NCOA1: variants seen among roughly 807,000 people sequenced by gnomAD.
NCOA1 encodes nuclear receptor coactivator 1, also known as Hin-2 protein.
Under a neutral mutation model 150.9 loss-of-function variants are expected in NCOA1, and 35 were observed. The observed-to-expected ratio is 0.23, with a 90% confidence interval of 0.18 to 0.31. The LOEUF (loss-of-function observed/expected upper bound fraction) is 0.31. Ranked by LOEUF, NCOA1 falls within the 10% of genes least tolerant of loss-of-function variation. NCOA1 has a pLI of 1.00. For synonymous variants in NCOA1, 590 were observed against 630.0 expected (o/e 0.94, Z 0.95); for missense variants, 1,491 against 1,749.3 (o/e 0.85, Z 2.63).
chr2:24,557,657 G>A (rs1035995777), intron 1 of NCOA1, among the ~76,000 whole-genome samples: 4 of 151,732 alleles, frequency 2.6e-5, no homozygotes, highest in African/African-American at 9.7e-5. Flanking sequence ...ATTATCTCAG[G>A]TATTATTAGT....
At chr2:24,654,686 T>C (rs1670850430) in intron 4 of NCOA1, among the ~76,000 whole-genome samples, 1 of 152,200 alleles carries the variant, frequency 6.6e-6, no homozygotes, top group African/African-American at 2.4e-5. Flanking sequence ...GACTTAGTCC[T>C]TGCAATGACT....
intron 1 of NCOA1, among the ~76,000 whole-genome samples, chr2:24,550,856 C>T (rs1429900279): frequency 6.6e-6 from 1 of 152,154 alleles, no homozygotes; most frequent in Non-Finnish European, 1.5e-5. Flanking sequence ...TGCCTGAAAT[C>T]CCAGCACTTT....
At chr2:24,498,074 A>C (rs1457841036) in intron 1 of NCOA1, among the ~76,000 whole-genome samples, 1 of 152,252 alleles carries the variant, frequency 6.6e-6, no homozygotes, top group African/African-American at 2.4e-5. Flanking sequence ...AGATAGTTGA[A>C]GGATGAAATG....
Position 24,768,435 on chromosome 2 carries a change from G to C in NCOA1, c.*44G>C, listed in dbSNP as rs1168687862. 1.6e-6 allele frequency: 2 copies of C among 1,271,378 alleles called. No homozygotes were observed. Among genetic ancestry groups the C allele is most frequent in the South Asian group, 3.4e-5 (2 of 58,642 alleles). The allele number at this position is 1,271,378 out of a possible 1,614,324, so 78.8% of individuals were successfully genotyped here. A position where few individuals can be genotyped will look rare whatever the true frequency, so the allele number is the denominator to read the frequency against. On this transcript the variant is annotated 3_prime_UTR_variant, in exon 23 of 23. Coordinates refer to ENST00000348332, the MANE Select transcript of NCOA1 (RefSeq NM_003743.5). ...GAAATTTAAATAATAGACATACAGA[G>C]ATATACAAATATATTATATATTTTT...
intron 2 of NCOA1, among the ~76,000 whole-genome samples, chr2:24,582,551 A>G (rs1285025487): frequency 2.0e-5 from 3 of 152,188 alleles, no homozygotes; most frequent in Non-Finnish European, 4.4e-5. Flanking sequence ...TACAGATTCA[A>G]CACAAGCCCT....
intron 4 of NCOA1, among the ~76,000 whole-genome samples, chr2:24,652,507 T>C (rs193057092): frequency 2.6e-4 from 40 of 152,260 alleles, no homozygotes; most frequent in African/African-American, 9.1e-4. Context: ...AAATATATTA[T>C]TAGAAATGTT....
At chr2:24,630,091 C>T (rs942462798) in intron 3 of NCOA1, among the ~76,000 whole-genome samples, 2 of 151,912 alleles carry the variant, frequency 1.3e-5, no homozygotes, top group Admixed American at 6.6e-5. Context: ...GTGATCCGCC[C>T]GTCTCGGCCT....
At chr2:24,534,617 T>G (rs1253891183) in intron 1 of NCOA1, among the ~76,000 whole-genome samples, 2 of 152,220 alleles carry the variant, frequency 1.3e-5, no homozygotes, top group African/African-American at 4.8e-5. Flanking sequence ...ACACTTTGCT[T>G]TAAATGTGTC....
chr2:24,667,009 A>C (rs1393352324), intron 6 of NCOA1, among the ~76,000 whole-genome samples: 2 of 152,166 alleles, frequency 1.3e-5, no homozygotes, highest in African/African-American at 4.8e-5. Context: ...TCTGAGGGTG[A>C]TTTTACACTG....
intron 3 of NCOA1, among the ~76,000 whole-genome samples, chr2:24,591,740 A>G (rs531326440): frequency 6.6e-6 from 1 of 151,836 alleles, no homozygotes; most frequent in African/African-American, 2.4e-5. Flanking sequence ...TTTAACACCT[A>G]CTTATCTTTC....
intron 1 of NCOA1, among the ~76,000 whole-genome samples, chr2:24,539,307 AAG>A (rs1265903501): frequency 6.6e-6 from 1 of 152,172 alleles, no homozygotes; most frequent in African/African-American, 2.4e-5. Context: ...CTATAATAAA[AAG>A]AGTCAGGGTT....
intron 17 of NCOA1, among the ~76,000 whole-genome samples, chr2:24,730,466 A>G (rs181758287): frequency 6.6e-6 from 1 of 152,356 alleles, no homozygotes; most frequent in East Asian, 1.9e-4. Flanking sequence ...CTTAATTTAC[A>G]AAGTAGAGCA....
intron 1 of NCOA1, among the ~76,000 whole-genome samples, chr2:24,518,076 T>A (rs964660959): frequency 2.6e-5 from 4 of 152,112 alleles, no homozygotes; most frequent in African/African-American, 4.8e-5. Flanking sequence ...GAACATATAT[T>A]TTAAAAGTCC....
At chr2:24,733,794 G>A (rs1176150626) in intron 17 of NCOA1, among the ~76,000 whole-genome samples, 3 of 151,972 alleles carry the variant, frequency 2.0e-5, no homozygotes, top group East Asian at 3.9e-4. Flanking sequence ...AGAATCTATA[G>A]GGAACTTAGA....
At chr2:24,622,767 G>A (rs1445676560) in intron 3 of NCOA1, among the ~76,000 whole-genome samples, 1 of 152,036 alleles carries the variant, frequency 6.6e-6, no homozygotes, top group African/African-American at 2.4e-5. Context: ...CATCTTTTGT[G>A]CATTGCTTGC....
chr2:24,705,055 T>C, intron 11 of NCOA1, 31 bp from the exon 12 acceptor site: 1 of 1,600,076 alleles, frequency 6.2e-7, no homozygotes, highest in South Asian at 1.1e-5. Context: ...GTATCAGAAT[T>C]TTAACTAGGT....
intron 3 of NCOA1, among the ~76,000 whole-genome samples, chr2:24,619,601 A>C (rs1229651036): frequency 1.3e-5 from 2 of 152,164 alleles, no homozygotes; most frequent in Non-Finnish European, 2.9e-5. Context: ...TTAACCAATA[A>C]ACTGACTGGT....
chr2:24,639,633 A>G (rs986807045), intron 3 of NCOA1, among the ~76,000 whole-genome samples: 4 of 151,968 alleles, frequency 2.6e-5, no homozygotes, highest in Non-Finnish European at 5.9e-5. Context: ...TCATGCCTAT[A>G]ATCCCAGCAC....
At position 24,573,634 on chromosome 2, in the gene NCOA1, A is replaced by G. The variant is rs114332972; in HGVS notation, c.-260+9204A>G. Among the ~76,000 whole-genome samples, 1,425 of 152,236 alleles carry G rather than the reference A, an allele frequency of 9.4e-3. 20 individuals are homozygous for G. The highest frequency in any genetic ancestry group is 0.032 in the African/African-American group (1,346 of 41,570). On this transcript the variant is annotated intron_variant, in intron 2 of 22. Transcript: ENST00000348332. Reference sequence around the variant, plus strand: ...GTTGATTTTTCCAGTTTTCCAGTCAATGCAACATTTTAAAAAATCAATTTT... The same window carrying G: ...GTTGATTTTTCCAGTTTTCCAGTCAGTGCAACATTTTAAAAAATCAATTTT...
Sources: gnomAD v4.1 joint callset for allele counts (sites outside exome capture counted in the v4.1 genomes callset) on GRCh38, gnomAD v4.1.1 for gene constraint, MANE v1.5 for transcripts, NCBI Gene and HGNC (gene_info 2026-07-23, HGNC 2026-07-21) for gene names.